The following CADPS2 variants were observed in gnomAD, a reference collection of about 807,000 sequenced individuals.
CADPS2 encodes the protein calcium dependent secretion activator 2, also known as calcium-dependent secretion activator 2.
In CADPS2, 93 loss-of-function variants were observed where a neutral mutation model predicts 172.5. That is an observed-to-expected ratio of 0.54 (90% CI 0.46 to 0.64). The LOEUF is 0.64. Among genes scored for constraint, CADPS2 ranks in the 30% least tolerant of loss-of-function variants. The probability of loss-of-function intolerance (pLI) is 0.00; values close to 1 mark genes in which losing one functional copy is unlikely to be tolerated. For missense variants in CADPS2, 1,420 were observed against 1,565.9 expected (o/e 0.91, Z 1.57); for synonymous variants, 546 against 555.2 (o/e 0.98, Z 0.23).
intron 2 of CADPS2, among the ~76,000 whole-genome samples, chr7:122,735,237 T>C (rs908830851): frequency 2.6e-5 from 4 of 152,118 alleles, no homozygotes; most frequent in Admixed American, 1.3e-4. Context: ...GGTTGAAATC[T>C]TCCCCACTTC....
At chr7:122,568,063 G>A (rs999548754) in intron 7 of CADPS2, among the ~76,000 whole-genome samples, 1 of 152,042 alleles carries the variant, frequency 6.6e-6, no homozygotes, top group African/African-American at 2.4e-5. Flanking sequence ...GAAACAAATA[G>A]ATTAAAAAAT....
intron 9 of CADPS2, among the ~76,000 whole-genome samples, chr7:122,507,679 T>C (rs1244533353): frequency 1.3e-5 from 2 of 152,182 alleles, no homozygotes; most frequent in African/African-American, 2.4e-5. Context: ...ATGCTTTAAA[T>C]AGATTATCCC....
intron 6 of CADPS2, among the ~76,000 whole-genome samples, chr7:122,582,429 T>C (rs2068965046): frequency 6.6e-6 from 1 of 150,964 alleles, no homozygotes; most frequent in Non-Finnish European, 1.5e-5. Context: ...AGATGCAGTC[T>C]TTTTTTTTGA....
chr7:122,357,480 A>G (rs898882283), intron 27 of CADPS2: 1 of 152,130 alleles, frequency 6.6e-6, no homozygotes, highest in Non-Finnish European at 1.5e-5. Context: ...GGATTCTATG[A>G]TCACTTAATT....
intron 27 of CADPS2, among the ~76,000 whole-genome samples, chr7:122,350,191 A>G (rs1373343183): frequency 6.6e-6 from 1 of 152,124 alleles, no homozygotes; most frequent in Admixed American, 6.5e-5. Context: ...ACCATTTGAG[A>G]AAAAAGGATC....
At chr7:122,660,441 T>A (rs1400238446) in intron 3 of CADPS2, among the ~76,000 whole-genome samples, 1 of 152,026 alleles carries the variant, frequency 6.6e-6, no homozygotes, top group Non-Finnish European at 1.5e-5. Context: ...AAGTGTTCAA[T>A]CAAAATTACA....
At chr7:122,646,949 A>G (rs549468911) in intron 3 of CADPS2, among the ~76,000 whole-genome samples, 30 of 152,294 alleles carry the variant, frequency 2.0e-4, no homozygotes, top group African/African-American at 7.0e-4. Flanking sequence ...AGTATGGAGT[A>G]ATTCAGTTGG....
chr7:122,678,157 G>A (rs903714738), intron 2 of CADPS2, among the ~76,000 whole-genome samples: 15 of 152,174 alleles, frequency 9.9e-5, no homozygotes, highest in African/African-American at 3.6e-4. Context: ...GCTGACCAGT[G>A]TGGGATGAAG....
intron 8 of CADPS2, among the ~76,000 whole-genome samples, chr7:122,542,117 A>G (rs2063159913): frequency 6.6e-6 from 1 of 151,894 alleles, no homozygotes; most frequent in African/African-American, 2.4e-5. Flanking sequence ...TTTAATCCTT[A>G]CAGCATCATT....
chr7:122,658,748 G>A (rs987363598), intron 3 of CADPS2, among the ~76,000 whole-genome samples: 2 of 152,132 alleles, frequency 1.3e-5, no homozygotes, highest in African/African-American at 4.8e-5. Context: ...GTGGACGAGT[G>A]GGGAGGGGAT....
intron 12 of CADPS2, among the ~76,000 whole-genome samples, chr7:122,474,890 T>C (rs751727848): frequency 6.6e-6 from 1 of 152,194 alleles, no homozygotes; most frequent in African/African-American, 2.4e-5. Flanking sequence ...CAATGATGCC[T>C]AGGAGTCTGC....
intron 6 of CADPS2, among the ~76,000 whole-genome samples, chr7:122,608,292 A>T (rs376824526): frequency 6.6e-6 from 1 of 152,170 alleles, no homozygotes; most frequent in South Asian, 2.1e-4. Context: ...CTATAAGAGT[A>T]TCTGACTAAT....
chr7:122,477,052 AAG>A (rs541881529), intron 12 of CADPS2, among the ~76,000 whole-genome samples: 978 of 25,946 alleles, frequency 0.038, 67 homozygotes, highest in East Asian at 0.14. Context: ...GGAGAGAGAG[AAG>A]AGAGAGAGAG....
intron 13 of CADPS2, 80 bp downstream of exon 13, chr7:122,474,301 T>TA: frequency 7.0e-7 from 1 of 1,435,900 alleles, no homozygotes; most frequent in Non-Finnish European, 9.5e-7. Context: ...TCTCACTTTC[T>TA]AAAATCTTTT....
At chr7:122,444,011 T>G (rs1194078338) in intron 15 of CADPS2, among the ~76,000 whole-genome samples, 1 of 152,160 alleles carries the variant, frequency 6.6e-6, no homozygotes, top group African/African-American at 2.4e-5. Flanking sequence ...ACTACTCATT[T>G]CCTTGCTATA....
At position 122,565,837 on chromosome 7, in the gene CADPS2, A is replaced by G. The variant is rs1180014533; in HGVS notation, c.1336-11148T>C. On this transcript the variant is annotated intron_variant, in intron 7 of 29. Transcript: ENST00000449022. ...TAGCAAATTTTCAAGCGTATAATTC[A>G]TGATTATTAACTATAGTCACCATGC... is the stretch of plus-strand genomic sequence containing the variant. Among the ~76,000 whole-genome samples the G allele has an allele frequency of 8.5e-5, 13 of 152,290 alleles. No homozygotes were observed. The East Asian group carries it at 2.5e-3, about 29-fold the overall frequency.
chr7:122,398,256 T>G (rs2045432836), intron 20 of CADPS2, among the ~76,000 whole-genome samples: 1 of 152,178 alleles, frequency 6.6e-6, no homozygotes. Context: ...TAACAATTAC[T>G]GAGACAATAA....
intron 11 of CADPS2, among the ~76,000 whole-genome samples, chr7:122,485,967 C>T (rs1459963297): frequency 1.3e-5 from 2 of 152,156 alleles, no homozygotes; most frequent in Admixed American, 1.3e-4. Context: ...GATGGTGCAT[C>T]TGTTTACAGC....
chr7:122,340,772 C>T (rs1391242493), intron 28 of CADPS2, among the ~76,000 whole-genome samples: 1 of 148,778 alleles, frequency 6.7e-6, no homozygotes, highest in Non-Finnish European at 1.5e-5. Context: ...CTTTGTCATA[C>T]TTTTTATATT....
Sources: allele counts gnomAD v4.1 joint callset (sites outside exome capture counted in the v4.1 genomes callset), GRCh38; gene constraint gnomAD v4.1.1; transcripts MANE v1.5; gene names NCBI Gene and HGNC (gene_info 2026-07-23, HGNC 2026-07-21).